HLCS: variants seen among roughly 807,000 people sequenced by gnomAD.
HLCS encodes biotin--protein ligase.
HLCS carries 53 observed loss-of-function variants against 75.0 expected under a neutral mutation model. The ratio of observed to expected loss-of-function variants is 0.71; its 90% CI spans 0.57 to 0.89. HLCS has a LOEUF of 0.89. Among genes scored for constraint, HLCS ranks in the 40% least tolerant of loss-of-function variants. The pLI is 0.00. For missense variants in HLCS, 966 were observed against 1,074.0 expected (o/e 0.90, Z 1.41); for synonymous variants, 431 against 428.6 (o/e 1.01, Z -0.07).
At chr21:36,892,583 G>A (rs73214731) in intron 6 of HLCS, among the ~76,000 whole-genome samples, 2,597 of 152,280 alleles carry the variant, frequency 0.017, 39 homozygotes, top group Non-Finnish European at 0.028. Context: ...GTCATACCAG[G>A]GCCATCTTCC....
intron 6 of HLCS, among the ~76,000 whole-genome samples, chr21:36,777,423 A>C (rs2060393300): frequency 6.6e-6 from 1 of 152,256 alleles, no homozygotes; most frequent in African/African-American, 2.4e-5. Context: ...AGCAGGCCAG[A>C]CTCGGCCCAA....
At chr21:36,830,021 G>T (rs768139677) in intron 6 of HLCS, among the ~76,000 whole-genome samples, 1 of 152,158 alleles carries the variant, frequency 6.6e-6, no homozygotes. Context: ...TTCCAGAGGC[G>T]ATTAAGTTAA....
chr21:36,836,804 G>A (rs554129169), intron 6 of HLCS, among the ~76,000 whole-genome samples: 13 of 152,064 alleles, frequency 8.5e-5, no homozygotes, highest in African/African-American at 1.4e-4. Context: ...TTTTTAAGGC[G>A]GTAAGTGTCA....
intron 5 of HLCS, among the ~76,000 whole-genome samples, chr21:36,909,256 T>C (rs1449814642): frequency 2.0e-5 from 3 of 152,252 alleles, no homozygotes; most frequent in African/African-American, 7.2e-5. Context: ...TGTGTCTTGA[T>C]TGTAAAGGTA....
intron 6 of HLCS, among the ~76,000 whole-genome samples, chr21:36,785,464 T>G (rs1000721031): frequency 1.3e-5 from 2 of 152,202 alleles, no homozygotes; most frequent in Non-Finnish European, 2.9e-5. Context: ...TCTCTGCCTG[T>G]GGGGGCTGAC....
At chr21:36,820,951 GGAGGC>G (rs2061821804) in intron 6 of HLCS, among the ~76,000 whole-genome samples, 1 of 152,210 alleles carries the variant, frequency 6.6e-6, no homozygotes, top group Non-Finnish European at 1.5e-5. Flanking sequence ...GTGCAGACTG[GGAGGC>G]GACTTCATGG....
At chr21:36,892,937 G>C (rs1354996258) in intron 6 of HLCS, among the ~76,000 whole-genome samples, 2 of 152,106 alleles carry the variant, frequency 1.3e-5, no homozygotes, top group African/African-American at 2.4e-5. Context: ...AATTCTTCTT[G>C]TTCTATCCAA....
chr21:36,821,603 C>T (rs1333523638), intron 6 of HLCS, among the ~76,000 whole-genome samples: 7 of 152,346 alleles, frequency 4.6e-5, no homozygotes, highest in East Asian at 1.9e-4. Context: ...GATTTTAAAA[C>T]GAGGTTTCAG....
In HLCS at chr21:36,921,876, T is replaced by G. The variant is rs141414469; in HGVS notation, c.1620+8375A>C. On this transcript the variant is annotated intron_variant, in intron 5 of 10. Transcript: ENST00000674895. ...TTTTACCAGAAATCTCCAGACCCGC[T>G]ACTCTAAGTCTTCTCTCACTCTCTG... Among the ~76,000 whole-genome samples the G allele has an allele frequency of 6.9e-3, 1,053 of 152,288 alleles. 13 individuals carry two copies. Among genetic ancestry groups the G allele is most frequent in the African/African-American group, 0.025 (1,026 of 41,554 alleles).
chr21:36,917,526 T>C (rs558041728), intron 5 of HLCS, among the ~76,000 whole-genome samples: 1 of 152,142 alleles, frequency 6.6e-6, no homozygotes, highest in Non-Finnish European at 1.5e-5. Context: ...TGGCACCGAA[T>C]GAAAAACACA....
intron 5 of HLCS, among the ~76,000 whole-genome samples, chr21:36,911,099 T>C (rs557448441): frequency 1.3e-5 from 2 of 152,298 alleles, no homozygotes; most frequent in Admixed American, 6.5e-5. Context: ...AATTGAGATA[T>C]TTCATATCAA....
intron 10 of HLCS, 137 bp from the exon 11 acceptor site, chr21:36,754,554 C>G: frequency 1.2e-6 from 1 of 867,858 alleles, no homozygotes; most frequent in Non-Finnish European, 1.9e-6. Flanking sequence ...GAAAAGGCAG[C>G]CTGGGCTGAG....
chr21:36,903,476 T>C (rs1456153331), intron 5 of HLCS, among the ~76,000 whole-genome samples: 1 of 152,016 alleles, frequency 6.6e-6, no homozygotes, highest in Non-Finnish European at 1.5e-5. Flanking sequence ...GTGAATTAGG[T>C]TAAATCACAA....
At chr21:36,955,676 T>A (rs1049488859) in intron 2 of HLCS, among the ~76,000 whole-genome samples, 1 of 152,202 alleles carries the variant, frequency 6.6e-6, no homozygotes, top group Admixed American at 6.5e-5. Context: ...AGAAGGCTGT[T>A]ATAAATTCAG....
intron 2 of HLCS, chr21:36,944,155 T>C (rs1342526136): frequency 1.3e-5 from 2 of 152,206 alleles, no homozygotes; most frequent in African/African-American, 4.8e-5. Flanking sequence ...CATATTGTAA[T>C]GGTTTATGAT....
rs189509936 is a variant in HLCS, at chr21:36,833,500, G to T, written c.1892+63360C>A. Among the ~76,000 whole-genome samples the T allele has an allele frequency of 2.2e-3, 339 of 151,524 alleles. 1 individual carries two copies. Among genetic ancestry groups the T allele is most frequent in the Admixed American group, 1.8e-3 (28 of 15,252 alleles). On this transcript the variant is annotated intron_variant, in intron 6 of 10. Transcript: ENST00000674895. ...CTCGGGAAGCTGAAGCAGGAGAATTGCTTGAACCTGGGAGGTGGAGGTTGC... is the reference window on the plus strand; with the variant it reads ...CTCGGGAAGCTGAAGCAGGAGAATTTCTTGAACCTGGGAGGTGGAGGTTGC...
intron 6 of HLCS, among the ~76,000 whole-genome samples, chr21:36,799,214 A>AT (rs776085550): frequency 1.2e-4 from 18 of 152,072 alleles, no homozygotes; most frequent in Non-Finnish European, 2.2e-4. Flanking sequence ...AACAGTTGAG[A>AT]TTTTTTTCCT....
intron 6 of HLCS, among the ~76,000 whole-genome samples, chr21:36,814,144 C>T (rs563523072): frequency 6.6e-6 from 1 of 152,094 alleles, no homozygotes; most frequent in Non-Finnish European, 1.5e-5. Flanking sequence ...TCCTGCTCTC[C>T]CCCAAACACA....
At position 36,881,174 on chromosome 21, in the gene HLCS, TG is replaced by T. The variant is rs563973999; in HGVS notation, c.1892+15685del. 7.0e-3 allele frequency among the ~76,000 whole-genome samples: 1,065 copies of T among 152,232 alleles called. 16 individuals are homozygous for T. The highest frequency in any genetic ancestry group is 0.025 in the African/African-American group (1,039 of 41,534). On this transcript the variant is annotated intron_variant, in intron 6 of 10. Coordinates refer to ENST00000674895, the MANE Select transcript of HLCS (RefSeq NM_001352514.2). ...TAGTAGAGATGGGGTTTCACCATGTTGGCCAGGATGGTCTCAAACTCCTGAC... is the reference window on the plus strand; with the variant it reads ...TAGTAGAGATGGGGTTTCACCATGTTGCCAGGATGGTCTCAAACTCCTGAC...
Sources: allele counts gnomAD v4.1 joint callset (sites outside exome capture counted in the v4.1 genomes callset), GRCh38; gene constraint gnomAD v4.1.1; transcripts MANE v1.5; gene names NCBI Gene and HGNC (gene_info 2026-07-23, HGNC 2026-07-21).